The following ANKRD11 variants were observed in gnomAD, a reference collection of about 807,000 sequenced individuals.
ANKRD11 encodes the protein ankyrin repeat domain 11.
Under a neutral mutation model 195.7 loss-of-function variants are expected in ANKRD11, and 17 were observed. That is an observed-to-expected ratio of 0.09 (90% CI 0.06 to 0.13). ANKRD11 has a LOEUF of 0.13. ANKRD11 is among the 10% of genes least tolerant of loss of function. The pLI is 1.00. For synonymous variants in ANKRD11, 1,953 were observed against 1,528.1 expected (o/e 1.28, Z -6.49); for missense variants, 3,735 against 3,566.1 (o/e 1.05, Z -1.21).
intron 2 of ANKRD11, among the ~76,000 whole-genome samples, chr16:89,349,134 TAAAAAAAAAAAAAAA>T (rs59621400): frequency 1.2e-4 from 2 of 16,576 alleles, no homozygotes; most frequent in East Asian, 2.4e-3. Context: ...TCTCAAAAAG[TAAAAAAAAAAAAAAA>T]AAAAAAAAAA....
rs560386262 is a variant in ANKRD11 at position 89,375,232 on chromosome 16, A to G, written c.-60+43052T>C. 7.9e-5 allele frequency among the ~76,000 whole-genome samples: 12 copies of G among 152,242 alleles called. No individual in the cohort carries two copies. In the South Asian group the frequency reaches 1.4e-3, roughly 18 times the overall value. ...GTATCCGCTTAAAACACCGTGTGAC[A>G]CTAATCGTCTCCGCGTGAGCAGCTG... On this transcript the variant is annotated intron_variant, in intron 2 of 12. Coordinates refer to ENST00000301030, the MANE Select transcript of ANKRD11 (RefSeq NM_013275.6).
chr16:89,368,831 T>G (rs1322359525), intron 2 of ANKRD11, among the ~76,000 whole-genome samples: 2 of 151,876 alleles, frequency 1.3e-5, no homozygotes, highest in Non-Finnish European at 2.9e-5. Flanking sequence ...AGCCAGGAGG[T>G]TGACGCCACA....
At chr16:89,349,906 ACACACAT>A (rs1471826448) in intron 2 of ANKRD11, among the ~76,000 whole-genome samples, 6 of 125,722 alleles carry the variant, frequency 4.8e-5, no homozygotes, top group African/African-American at 2.0e-4. Context: ...ACACACACAC[ACACACAT>A]ATTCAAACAA....
Position 89,284,551 on chromosome 16 carries a change from G to C in ANKRD11, c.1991C>G (p.Ser664Cys). 6.2e-7 allele frequency: 1 copy of C among 1,614,048 alleles called. No individual in the cohort carries two copies. Among genetic ancestry groups the C allele is most frequent in the Non-Finnish European group, 8.5e-7 (1 of 1,180,024 alleles). The change falls in exon 9 of 13, where the codon TCC becomes TGC. Residue 664 changes from serine to cysteine, a missense_variant. Ser to Cys is a moderately radical substitution (Grantham distance 112, BLOSUM62 -1). Transcript: ENST00000301030. The stretch of plus-strand genomic sequence containing the variant: ...TATAGCCTTATCTGACTTCTGCTTG[G>C]AGTCCTCATATTCGTAAGTAAAACT... ...LKSFTYEYED[S>C]KQKSDKAILL...
At chr16:89,288,714 C>T in intron 6 of ANKRD11, 44 bp from the exon 7 acceptor site, 1 of 1,613,572 alleles carries the variant, frequency 6.2e-7, no homozygotes, top group Non-Finnish European at 8.5e-7. Context: ...ATCCTCAGAA[C>T]TTCCCTCCTG....
intron 3 of ANKRD11, chr16:89,313,414 C>T: frequency 7.8e-7 from 1 of 1,288,996 alleles, no homozygotes; most frequent in South Asian, 1.2e-5. Context: ...TGGTGAGAGA[C>T]CGTCTGCAGA....
intron 1 of ANKRD11, among the ~76,000 whole-genome samples, chr16:89,418,675 G>A (rs2042394758): frequency 1.3e-5 from 2 of 152,076 alleles, no homozygotes; most frequent in African/African-American, 4.8e-5. Flanking sequence ...AGAGGCTCTG[G>A]GGCTTTTTAT....
chr16:89,397,268 G>A (rs934276163), intron 2 of ANKRD11, among the ~76,000 whole-genome samples: 1 of 152,174 alleles, frequency 6.6e-6, no homozygotes, highest in African/African-American at 2.4e-5. Flanking sequence ...CCACCTCCAG[G>A]ACAGACACCA....
At chr16:89,314,627 G>A (rs1168898717) in intron 3 of ANKRD11, among the ~76,000 whole-genome samples, 1 of 152,148 alleles carries the variant, frequency 6.6e-6, no homozygotes, top group Non-Finnish European at 1.5e-5. Context: ...CTGCTGGTGT[G>A]TCAAGCGGCT....
intron 1 of ANKRD11, among the ~76,000 whole-genome samples, chr16:89,462,307 G>T (rs921101432): frequency 6.6e-6 from 1 of 152,206 alleles, no homozygotes; most frequent in African/African-American, 2.4e-5. Flanking sequence ...CTAACCGCAA[G>T]TGATCCGCCA....
chr16:89,384,074 G>A (rs1441289808), intron 2 of ANKRD11, among the ~76,000 whole-genome samples: 1 of 152,188 alleles, frequency 6.6e-6, no homozygotes, highest in East Asian at 1.9e-4. Flanking sequence ...ACAAAAATTA[G>A]CCGGGCGTGG....
chr16:89,377,284 A>C (rs2040463136), intron 2 of ANKRD11, among the ~76,000 whole-genome samples: 2 of 152,080 alleles, frequency 1.3e-5, no homozygotes, highest in South Asian at 4.1e-4. Flanking sequence ...AGAGAGAGAG[A>C]GCATCATGAG....
At position 89,284,507 on chromosome 16, in the gene ANKRD11, A is replaced by G. The variant is rs2034507389; in HGVS notation, c.2035T>C (p.Ser679Pro). 6.2e-7 allele frequency: 1 copy of G among 1,614,088 alleles called. No individual in the cohort carries two copies. The change falls in exon 9 of 13, where the codon TCC becomes CCC. Residue 679 changes from serine (S) to proline (P), a missense_variant. Coordinates refer to ENST00000301030, the MANE Select transcript of ANKRD11 (RefSeq NM_013275.6). ...AACACTTTTAGCTTGTTTTCAGTGG[A>G]AAGATCATTCTCTAACAGTATAGCC... ...DKAILLENDL[S>P]TENKLKVLKH...
At chr16:89,421,709 T>TG (rs2042516083) in intron 1 of ANKRD11, among the ~76,000 whole-genome samples, 1 of 123,332 alleles carries the variant, frequency 8.1e-6, no homozygotes, top group Non-Finnish European at 1.7e-5. Flanking sequence ...CGTCCACGTC[T>TG]GGGGGTGGGG....
chr16:89,325,414 G>T (rs948798733), intron 2 of ANKRD11, among the ~76,000 whole-genome samples: 12 of 150,452 alleles, frequency 8.0e-5, no homozygotes, highest in African/African-American at 2.5e-4. Context: ...CTCCAGCCCG[G>T]GCGTCAGAGC....
chr16:89,281,285 T>C lies in ANKRD11; in HGVS notation c.5257A>G (p.Thr1753Ala), dbSNP rs878921394. Residue 1753 changes from threonine (T) to alanine (A), a missense_variant, in exon 9 of 13, where the codon ACC becomes GCC. Physicochemically the swap from Thr to Ala is moderately conservative, Grantham distance 58. Transcript: ENST00000301030. The surrounding 1 kb of genome is among the most constrained non-coding windows in gnomAD (Gnocchi z 5.5). ...AAAAAGGAGGGGGAGCAGGCGCTGGTGGGAGCGGTGGGCACGGGCGTGGAG... is the reference window on the plus strand; with the variant it reads ...AAAAAGGAGGGGGAGCAGGCGCTGGCGGGAGCGGTGGGCACGGGCGTGGAG... Reference protein sequence around the residue: ...QHSTPVPTAPTSACSPSFFDR... With the variant: ...QHSTPVPTAPASACSPSFFDR... The C allele has an allele frequency of 2.5e-6, 4 of 1,614,114 alleles. No homozygotes were observed. In the South Asian group the frequency reaches 3.3e-5, roughly 13 times the overall value.
chr16:89,393,634 GC>G (rs1036678147), intron 2 of ANKRD11, among the ~76,000 whole-genome samples: 1 of 151,910 alleles, frequency 6.6e-6, no homozygotes, highest in African/African-American at 2.4e-5. Flanking sequence ...AAGCCACTGC[GC>G]CCGGCCTAGT....
intron 2 of ANKRD11, among the ~76,000 whole-genome samples, chr16:89,339,290 T>C (rs1377823611): frequency 3.3e-5 from 5 of 152,346 alleles, no homozygotes; most frequent in African/African-American, 1.2e-4. Context: ...TAGAGATGTC[T>C]GAATTCCCCC....
At position 89,281,066 on chromosome 16, in the gene ANKRD11, G is replaced by C. The variant is rs2034191131; in HGVS notation, c.5476C>G (p.Pro1826Ala). The change falls in exon 9 of 13, where the codon CCA (proline) becomes GCA (alanine). Residue 1826 changes from proline to alanine, a missense_variant. Pro to Ala is a conservative substitution (Grantham distance 27). Coordinates refer to ENST00000301030, the MANE Select transcript of ANKRD11 (RefSeq NM_013275.6). The surrounding 1 kb of genome is among the most constrained non-coding windows in gnomAD (Gnocchi z 5.5). ...GGCGCCCTGTCTTCCATCGAGGGTG[G>C]CATGGGAGAGTCGTAGCTGGAGGCA... is the stretch of plus-strand genomic sequence containing the variant. ...PAASSYDSPM[P>A]PSMEDRAPLP... The C allele has an allele frequency of 1.2e-6, 2 of 1,607,468 alleles. No individual in the cohort carries two copies. The highest frequency in any genetic ancestry group is 1.7e-6 in the Non-Finnish European group (2 of 1,175,354).
Sources: allele counts gnomAD v4.1 joint callset (sites outside exome capture counted in the v4.1 genomes callset), GRCh38; gene constraint gnomAD v4.1.1; non-coding constraint Gnocchi (gnomAD v3.1); transcripts MANE v1.5; gene names NCBI Gene and HGNC (gene_info 2026-07-23, HGNC 2026-07-21).